KCNIP4: variants seen among roughly 807,000 people sequenced by gnomAD.
The protein encoded by KCNIP4 is potassium voltage-gated channel interacting protein 4, also known as Kv channel-interacting protein 4.
Under a neutral mutation model 34.0 loss-of-function variants are expected in KCNIP4, and 12 were observed. The ratio of observed to expected loss-of-function variants is 0.35; its 90% confidence interval spans 0.23 to 0.57. The LOEUF (loss-of-function observed/expected upper bound fraction) is 0.57, where lower values mean the gene tolerates loss of function less well. KCNIP4 is among the 20% of genes least tolerant of loss of function. The pLI is 0.83. For synonymous variants in KCNIP4, 124 were observed against 102.2 expected (o/e 1.21, Z -1.29); for missense variants, 238 against 311.7 (o/e 0.76, Z 1.78).
At chr4:21,680,380 A>T (rs182005871) in intron 1 of KCNIP4, among the ~76,000 whole-genome samples, 11 of 152,258 alleles carry the variant, frequency 7.2e-5, no homozygotes, top group African/African-American at 2.6e-4. Context: ...ATCTCCAGCA[A>T]CTTCCTCCAC....
At chr4:20,823,392 T>C (rs537825285) in intron 3 of KCNIP4, among the ~76,000 whole-genome samples, 2 of 152,256 alleles carry the variant, frequency 1.3e-5, no homozygotes, top group Admixed American at 1.3e-4. Context: ...GCGTTGCTAT[T>C]TATGATGATC....
At chr4:20,872,809 C>CT (rs1375819464) in intron 2 of KCNIP4, among the ~76,000 whole-genome samples, 13 of 152,080 alleles carry the variant, frequency 8.5e-5, no homozygotes, top group African/African-American at 3.1e-4. Context: ...AAGCAAAAGA[C>CT]TTAATCACAT....
intron 1 of KCNIP4, among the ~76,000 whole-genome samples, chr4:21,544,239 CTCTG>C (rs778935176): frequency 7.8e-5 from 11 of 140,282 alleles, no homozygotes; most frequent in Admixed American, 1.4e-4. Context: ...GAAATTCTCT[CTCTG>C]TCTCTTTCTC....
intron 1 of KCNIP4, among the ~76,000 whole-genome samples, chr4:20,982,364 T>C (rs909403850): frequency 6.6e-6 from 1 of 152,182 alleles, no homozygotes; most frequent in African/African-American, 2.4e-5. Context: ...AAATTGCTAG[T>C]ACTGTATTAA....
chr4:21,284,258 C>G (rs1762964422), intron 1 of KCNIP4, among the ~76,000 whole-genome samples: 1 of 151,776 alleles, frequency 6.6e-6, no homozygotes, highest in Non-Finnish European at 1.5e-5. Flanking sequence ...TTTTTGTTAT[C>G]TAACTTTGAA....
chr4:20,892,359 C>T (rs1726005331), intron 1 of KCNIP4, among the ~76,000 whole-genome samples: 1 of 152,210 alleles, frequency 6.6e-6, no homozygotes, highest in Admixed American at 6.5e-5. Flanking sequence ...ATGCTACTCT[C>T]TGTCAGCCTT....
At chr4:21,323,143 A>AATATATATATATAT (rs1714670755) in intron 1 of KCNIP4, among the ~76,000 whole-genome samples, 1 of 85,914 alleles carries the variant, frequency 1.2e-5, no homozygotes. Flanking sequence ...CTCTTTTGTA[A>AATATATATATATAT]GTATATATAT....
intron 3 of KCNIP4, among the ~76,000 whole-genome samples, chr4:20,799,749 C>T (rs577463190): frequency 1.3e-5 from 2 of 152,122 alleles, no homozygotes; most frequent in African/African-American, 4.8e-5. Flanking sequence ...CTATCTCATC[C>T]CTCAGATCCT....
chr4:21,071,062 T>C (rs1193226869), intron 1 of KCNIP4, among the ~76,000 whole-genome samples: 1 of 152,130 alleles, frequency 6.6e-6, no homozygotes, highest in African/African-American at 2.4e-5. Context: ...CTGTTGCTTG[T>C]CTTTTCATCT....
At chr4:21,780,355 T>A (rs956123676) in intron 1 of KCNIP4, among the ~76,000 whole-genome samples, 309 of 152,052 alleles carry the variant, frequency 2.0e-3, no homozygotes, top group African/African-American at 7.3e-3. Context: ...AATAAACAGT[T>A]TGCTTGAAAG....
chr4:21,464,477 A>T (rs1483925683), intron 1 of KCNIP4, among the ~76,000 whole-genome samples: 1 of 151,934 alleles, frequency 6.6e-6, no homozygotes, highest in East Asian at 1.9e-4. Context: ...GTGTTGCTTA[A>T]TTTCCACATA....
At chr4:21,073,592 T>G (rs1577643733) in intron 1 of KCNIP4, among the ~76,000 whole-genome samples, 2 of 152,172 alleles carry the variant, frequency 1.3e-5, no homozygotes, top group Non-Finnish European at 2.9e-5. Flanking sequence ...ACAGGGACAA[T>G]TTGACTTCCT....
intron 1 of KCNIP4, among the ~76,000 whole-genome samples, chr4:21,839,507 A>C (rs1046199657): frequency 2.6e-5 from 4 of 152,214 alleles, no homozygotes; most frequent in African/African-American, 4.8e-5. Flanking sequence ...TAATCTCAGC[A>C]CTTTGGGAGG....
chr4:21,214,315 C>T (rs1010270895), intron 1 of KCNIP4, among the ~76,000 whole-genome samples: 1 of 152,096 alleles, frequency 6.6e-6, no homozygotes, highest in Non-Finnish European at 1.5e-5. Context: ...CATCCATATC[C>T]CTGTCTCCTC....
chr4:21,436,455 G>A (rs1260400173), intron 1 of KCNIP4, among the ~76,000 whole-genome samples: 1 of 152,134 alleles, frequency 6.6e-6, no homozygotes, highest in Non-Finnish European at 1.5e-5. Context: ...CTCCCTTGGT[G>A]TAAGGATAAC....
At chr4:21,171,038 A>T (rs1321940841) in intron 1 of KCNIP4, among the ~76,000 whole-genome samples, 2 of 152,152 alleles carry the variant, frequency 1.3e-5, no homozygotes, top group Non-Finnish European at 2.9e-5. Flanking sequence ...AGATGGTAAG[A>T]TTTTTCAGTT....
chr4:21,396,549 C>A (rs1319590375), intron 1 of KCNIP4, among the ~76,000 whole-genome samples: 343 of 52,658 alleles, frequency 6.5e-3, no homozygotes, highest in South Asian at 0.016. Flanking sequence ...AGCAAGACTC[C>A]AAAAAAAAAA....
chr4:21,440,277 C>T (rs1229798144), intron 1 of KCNIP4, among the ~76,000 whole-genome samples: 1 of 152,182 alleles, frequency 6.6e-6, no homozygotes, highest in African/African-American at 2.4e-5. Context: ...AGAACCTTTA[C>T]ATGTGTTCAC....
At chr4:21,935,546 G>GAATAGCCA (rs1443762150) in intron 1 of KCNIP4, among the ~76,000 whole-genome samples, 3 of 151,942 alleles carry the variant, frequency 2.0e-5, no homozygotes, top group Non-Finnish European at 4.4e-5. Flanking sequence ...TCAGAGTGCA[G>GAATAGCCA]CTCTTCCACA....
Sources: gnomAD v4.1 joint callset for allele counts (sites outside exome capture counted in the v4.1 genomes callset) on GRCh38, gnomAD v4.1.1 for gene constraint, MANE v1.5 for transcripts, NCBI Gene and HGNC (gene_info 2026-07-23, HGNC 2026-07-21) for gene names.